The following SGCD variants were observed in gnomAD, a reference collection of about 807,000 sequenced individuals.
SGCD encodes the protein sarcoglycan delta.
SGCD carries 18 observed loss-of-function variants against 36.6 expected under a neutral mutation model. The ratio of observed to expected loss-of-function variants is 0.49; its 90% CI spans 0.34 to 0.73. SGCD has a LOEUF of 0.73. SGCD is among the 30% of genes least tolerant of loss of function. The pLI is 0.01. For synonymous variants in SGCD, 133 were observed against 130.6 expected (o/e 1.02, Z -0.12); for missense variants, 387 against 346.7 (o/e 1.12, Z -0.92).
At chr5:156,405,666 T>G (rs1772364848) in intron 3 of SGCD, among the ~76,000 whole-genome samples, 1 of 152,236 alleles carries the variant, frequency 6.6e-6, no homozygotes, top group African/African-American at 2.4e-5. Context: ...TTTCTGCCCC[T>G]GAGAAATTGT....
chr5:155,887,346 T>G (rs1756028584), intron 1 of SGCD, among the ~76,000 whole-genome samples: 1 of 152,226 alleles, frequency 6.6e-6, no homozygotes, highest in Non-Finnish European at 1.5e-5. Flanking sequence ...GAAAAATGAC[T>G]TAAGAACATG....
At chr5:155,767,978 A>G in the SGCD span, among the ~76,000 whole-genome samples, 1 of 152,178 alleles carries the variant, frequency 6.6e-6, no homozygotes, top group Non-Finnish European at 1.5e-5. Flanking sequence ...ATAGAATTGT[A>G]TAGAGAGAAT....
chr5:156,173,630 A>G (rs1938014589), intron 3 of SGCD, among the ~76,000 whole-genome samples: 1 of 152,216 alleles, frequency 6.6e-6, no homozygotes, highest in Non-Finnish European at 1.5e-5. Flanking sequence ...TTTTATTTAT[A>G]GAGACATTTT....
At chr5:156,518,940 G>T (rs1757293350) in intron 4 of SGCD, among the ~76,000 whole-genome samples, 1 of 151,918 alleles carries the variant, frequency 6.6e-6, no homozygotes, top group African/African-American at 2.4e-5. Context: ...ACAACTAAAA[G>T]AACTAGAGAA....
At chr5:156,168,934 A>G (rs1242719765) in intron 3 of SGCD, among the ~76,000 whole-genome samples, 1 of 152,222 alleles carries the variant, frequency 6.6e-6, no homozygotes, top group African/African-American at 2.4e-5. Context: ...CACTCTCTGC[A>G]TGTGATGGGA....
At chr5:156,547,931 A>C (rs1272993875) in intron 4 of SGCD, among the ~76,000 whole-genome samples, 1 of 152,200 alleles carries the variant, frequency 6.6e-6, no homozygotes, top group East Asian at 1.9e-4. Flanking sequence ...GAGGCAAGTC[A>C]AACTCCAGGT....
the SGCD span, among the ~76,000 whole-genome samples, chr5:155,814,103 C>A: frequency 2.0e-5 from 3 of 152,176 alleles, no homozygotes; most frequent in African/African-American, 7.2e-5. Context: ...TCACAAATCC[C>A]TCATCTAGTC....
the SGCD span, among the ~76,000 whole-genome samples, chr5:155,853,725 C>T: frequency 6.6e-6 from 1 of 152,160 alleles, no homozygotes; most frequent in South Asian, 2.1e-4. Context: ...CAATATATGT[C>T]ATTATAGTAA....
chr5:156,322,521 A>G (rs1025112371), upstream of SGCD, among the ~76,000 whole-genome samples: 5 of 152,342 alleles, frequency 3.3e-5, no homozygotes, highest in Non-Finnish European at 4.4e-5. Context: ...ATGTATATAC[A>G]ACTAAAATAA....
intron 3 of SGCD, among the ~76,000 whole-genome samples, chr5:156,152,655 A>G (rs542259540): frequency 4.0e-5 from 6 of 151,708 alleles, no homozygotes; most frequent in Admixed American, 2.0e-4. Flanking sequence ...AAATGGTAGT[A>G]TTTCTTATAC....
chr5:155,909,190 T>C (rs1256994367), intron 1 of SGCD, among the ~76,000 whole-genome samples: 5 of 152,146 alleles, frequency 3.3e-5, no homozygotes, highest in Admixed American at 2.0e-4. Flanking sequence ...ACAAAGTGTA[T>C]CTTCCTTCTT....
upstream of SGCD, among the ~76,000 whole-genome samples, chr5:155,865,665 G>A (rs975792384): frequency 6.6e-6 from 1 of 152,046 alleles, no homozygotes; most frequent in Non-Finnish European, 1.5e-5. Context: ...GGAAAATGCT[G>A]GCTCACTGAA....
chr5:156,042,931 T>A (rs898912526), intron 1 of SGCD, among the ~76,000 whole-genome samples: 1 of 152,180 alleles, frequency 6.6e-6, no homozygotes, highest in Non-Finnish European at 1.5e-5. Context: ...CTCAGCCTCC[T>A]CACCTAGTGG....
intron 3 of SGCD, among the ~76,000 whole-genome samples, chr5:156,458,694 C>T (rs1028045553): frequency 1.3e-5 from 2 of 152,158 alleles, no homozygotes; most frequent in African/African-American, 4.8e-5. Context: ...ACACAAGTTA[C>T]CTTGTTAAGA....
chr5:156,200,142 A>AT (rs758838970), intron 3 of SGCD, among the ~76,000 whole-genome samples: 3 of 152,136 alleles, frequency 2.0e-5, no homozygotes, highest in African/African-American at 4.8e-5. Context: ...TTCCAGTGGA[A>AT]TTTTTTGCAG....
At chr5:156,034,936 G>A (rs1292287010) in intron 1 of SGCD, among the ~76,000 whole-genome samples, 3 of 152,154 alleles carry the variant, frequency 2.0e-5, no homozygotes, top group Non-Finnish European at 4.4e-5. Flanking sequence ...CTTAATAAAT[G>A]TAAGCAAGTT....
intron 3 of SGCD, among the ~76,000 whole-genome samples, chr5:156,355,365 A>G (rs1371843477): frequency 6.6e-6 from 1 of 152,244 alleles, no homozygotes; most frequent in Non-Finnish European, 1.5e-5. Flanking sequence ...TAATCTGATT[A>G]ACAGCCAAGA....
chr5:156,243,945 A>G (rs1765367805), intron 3 of SGCD, among the ~76,000 whole-genome samples: 1 of 152,208 alleles, frequency 6.6e-6, no homozygotes, highest in Non-Finnish European at 1.5e-5. Flanking sequence ...TTACAGATCA[A>G]TGTGGAACAG....
intron 3 of SGCD, among the ~76,000 whole-genome samples, chr5:156,403,217 A>G (rs974210368): frequency 6.6e-6 from 1 of 152,130 alleles, no homozygotes; most frequent in African/African-American, 2.4e-5. Flanking sequence ...CAGCTTTCAG[A>G]GTAAAAGATC....
Sources: gnomAD v4.1 joint callset for allele counts (sites outside exome capture counted in the v4.1 genomes callset) on GRCh38, gnomAD v4.1.1 for gene constraint, MANE v1.5 for transcripts, NCBI Gene and HGNC (gene_info 2026-07-23, HGNC 2026-07-21) for gene names.